Variants in COL11A1 observed in about 807,000 individuals in gnomAD.
The protein encoded by COL11A1 is collagen alpha-1(XI) chain.
COL11A1 carries 74 observed loss-of-function variants against 265.2 expected under a neutral mutation model. The ratio of observed to expected loss-of-function variants is 0.28; its 90% CI spans 0.23 to 0.34. COL11A1 has a LOEUF of 0.34. COL11A1 is among the 10% of genes least tolerant of loss of function. COL11A1 has a pLI of 1.00. For synonymous variants in COL11A1, 816 were observed against 727.6 expected, an observed-to-expected ratio of 1.12 and a Z score of -1.96; for missense variants, 2,165 against 2,263.6, an observed-to-expected ratio of 0.96 and a Z score of 0.88.
intron 35 of COL11A1, among the ~76,000 whole-genome samples, chr1:102,976,451 A>T (rs759965384): frequency 4.0e-5 from 6 of 151,838 alleles, no homozygotes; most frequent in Middle Eastern, 3.4e-3. Flanking sequence ...GGCACCCACC[A>T]CCATGCCCAG....
chr1:103,003,184 G>T, intron 21 of COL11A1, 31 bp downstream of exon 21: 1 of 1,611,618 alleles, frequency 6.2e-7, no homozygotes, highest in African/African-American at 1.3e-5. Context: ...GCTTTCCCTA[G>T]AAAATCTTCA....
intron 15 of COL11A1, 28 bp from the exon 16 acceptor site, chr1:103,006,343 T>C: frequency 6.3e-7 from 1 of 1,583,008 alleles, no homozygotes; most frequent in Non-Finnish European, 8.7e-7. Flanking sequence ...AATTAAACCA[T>C]ATTATAGAAT....
Position 103,031,928 on chromosome 1 carries a change from C to T in COL11A1, c.652-684G>A, listed in dbSNP as rs549673072. On this transcript the variant is annotated intron_variant, in intron 4 of 66. Transcript: ENST00000370096. ...TTGTATGATTTCAATAAAATCAAAA[C>T]ATTAGTAATATTTAATAATAGAATT... 1.5e-3 allele frequency among the ~76,000 whole-genome samples: 221 copies of T among 151,830 alleles called. 1 individual carries two copies. Among genetic ancestry groups the T allele is most frequent in the African/African-American group, 5.0e-3 (208 of 41,486 alleles).
chr1:102,956,440 C>A (rs534922360), intron 41 of COL11A1, among the ~76,000 whole-genome samples: 57 of 152,072 alleles, frequency 3.7e-4, no homozygotes, highest in East Asian at 1.4e-3. Flanking sequence ...GTATTTATTT[C>A]TTTATGGTAC....
At position 102,966,300 on chromosome 1, in the gene COL11A1, G is replaced by A. The variant is rs1463036; in HGVS notation, c.2863-760C>T. Among the ~76,000 whole-genome samples the A allele has an allele frequency of 3.7e-4, 56 of 152,144 alleles. No individual in the cohort carries two copies. The East Asian group carries it at 0.01, about 28-fold the overall frequency. The stretch of plus-strand genomic sequence containing the variant: ...GCTGGAGAAGTAGATAGAAAATATT[G>A]GGAGAAGTTTCGAAAGAACTGAATA... On this transcript the variant is annotated intron_variant, in intron 37 of 66. Transcript: ENST00000370096.
chr1:103,083,421 T>C (rs983460101), intron 1 of COL11A1, among the ~76,000 whole-genome samples: 3 of 79,002 alleles, frequency 3.8e-5, no homozygotes, highest in African/African-American at 1.4e-4. Context: ...CCAGCATTTG[T>C]AAATATTTCA....
chr1:103,085,662 A>T (rs926190378), intron 1 of COL11A1, among the ~76,000 whole-genome samples: 1 of 152,212 alleles, frequency 6.6e-6, no homozygotes, highest in Non-Finnish European at 1.5e-5. Flanking sequence ...AGTAGACCAT[A>T]TGCTGGCCAA....
At chr1:102,968,506 G>A (rs1661652301) in intron 37 of COL11A1, among the ~76,000 whole-genome samples, 1 of 152,048 alleles carries the variant, frequency 6.6e-6, no homozygotes, top group Admixed American at 6.6e-5. Flanking sequence ...TTTAATTAAT[G>A]GATTTCTGGC....
chr1:103,102,844 CAGAA>C (rs1327802440), intron 1 of COL11A1, among the ~76,000 whole-genome samples: 6 of 151,928 alleles, frequency 3.9e-5, no homozygotes, highest in Non-Finnish European at 7.4e-5. Flanking sequence ...TCCCTAAAAA[CAGAA>C]AGACTCTTAA....
At chr1:102,995,784 G>A in intron 28 of COL11A1, 80 bp downstream of exon 28, 8 of 1,206,578 alleles carry the variant, frequency 6.6e-6, no homozygotes, top group Non-Finnish European at 7.4e-6. Flanking sequence ...ATATATTCAA[G>A]AAATAAAATG....
At chr1:103,058,062 T>C (rs771141319) in intron 4 of COL11A1, among the ~76,000 whole-genome samples, 3 of 152,202 alleles carry the variant, frequency 2.0e-5, no homozygotes, top group African/African-American at 4.8e-5. Flanking sequence ...TTTGTTTACA[T>C]TGGAAATCTG....
At chr1:102,957,165 C>T (rs965586484) in intron 41 of COL11A1, among the ~76,000 whole-genome samples, 3 of 151,760 alleles carry the variant, frequency 2.0e-5, no homozygotes, top group Non-Finnish European at 2.9e-5. Context: ...GTCATAATAA[C>T]GACCTATGTT....
At chr1:102,989,478 T>A in intron 29 of COL11A1, 40 bp downstream of exon 29, 1 of 1,315,006 alleles carries the variant, frequency 7.6e-7, no homozygotes, top group Non-Finnish European at 1.1e-6. Context: ...TATATATATA[T>A]TAAATTTTGT....
At chr1:103,086,732 C>A (rs1410992571) in intron 1 of COL11A1, among the ~76,000 whole-genome samples, 2 of 152,038 alleles carry the variant, frequency 1.3e-5, no homozygotes, top group African/African-American at 4.8e-5. Flanking sequence ...TATCTTTTAA[C>A]ACCATGACCT....
chr1:103,075,292 A>G (rs1325774947), intron 3 of COL11A1, among the ~76,000 whole-genome samples: 1 of 152,138 alleles, frequency 6.6e-6, no homozygotes, highest in Non-Finnish European at 1.5e-5. Flanking sequence ...GTAAAACACA[A>G]TGTGCTTCTC....
At chr1:102,911,180 G>A (rs1042460384) in intron 54 of COL11A1, among the ~76,000 whole-genome samples, 12 of 152,088 alleles carry the variant, frequency 7.9e-5, no homozygotes, top group African/African-American at 2.9e-4. Context: ...GTAAGAAAAT[G>A]TACTTGGCCA....
intron 4 of COL11A1, among the ~76,000 whole-genome samples, chr1:103,044,692 G>C (rs1219715475): frequency 6.6e-6 from 1 of 151,914 alleles, no homozygotes; most frequent in Non-Finnish European, 1.5e-5. Flanking sequence ...TATACCCTTT[G>C]AATTAATAAG....
intron 11 of COL11A1, among the ~76,000 whole-genome samples, chr1:103,016,812 G>T (rs1037261117): frequency 4.6e-5 from 7 of 151,888 alleles, no homozygotes; most frequent in African/African-American, 1.7e-4. Context: ...CTTCTATAAA[G>T]AAATAATTTT....
chr1:102,929,490 T>C (rs975157280), intron 46 of COL11A1, among the ~76,000 whole-genome samples: 2 of 152,146 alleles, frequency 1.3e-5, no homozygotes, highest in Non-Finnish European at 2.9e-5. Flanking sequence ...TTTTGGTTAC[T>C]GTAGCCTTGT....
Sources: gnomAD v4.1 joint callset for allele counts (sites outside exome capture counted in the v4.1 genomes callset) on GRCh38, gnomAD v4.1.1 for gene constraint, MANE v1.5 for transcripts, NCBI Gene and HGNC (gene_info 2026-07-23, HGNC 2026-07-21) for gene names.